COQ5: variants seen among roughly 807,000 people sequenced by gnomAD.
The protein encoded by COQ5 is coenzyme Q5, methyltransferase, also known as 2-methoxy-6-polyprenyl-1,4-benzoquinol methylase, mitochondrial.
COQ5 carries 27 observed loss-of-function variants against 40.5 expected under a neutral mutation model. The observed-to-expected ratio is 0.67, with a 90% CI of 0.49 to 0.92. COQ5 has a LOEUF of 0.92. COQ5 is among the 40% of genes least tolerant of loss of function. The probability of loss-of-function intolerance (pLI) is 0.00; values close to 1 mark genes in which losing one functional copy is unlikely to be tolerated. For synonymous variants in COQ5, 141 were observed against 150.0 expected (o/e 0.94, Z 0.44); for missense variants, 409 against 406.4 (o/e 1.01, Z -0.06).
At chr12:120,517,718 G>T (rs1160375297) in intron 2 of COQ5, among the ~76,000 whole-genome samples, 2 of 151,750 alleles carry the variant, frequency 1.3e-5, no homozygotes. Flanking sequence ...ATAATACTGT[G>T]ACCTGGTAAA....
chr12:120,520,129 T>C (rs573594708), intron 2 of COQ5, among the ~76,000 whole-genome samples: 2 of 151,256 alleles, frequency 1.3e-5, no homozygotes, highest in East Asian at 3.9e-4. Context: ...TAATGTAATT[T>C]TATGTATTTA....
chr12:120,509,456 A>T (rs1869029111), intron 4 of COQ5, among the ~76,000 whole-genome samples: 1 of 152,220 alleles, frequency 6.6e-6, no homozygotes, highest in South Asian at 2.1e-4. Context: ...TTGTCAAAAC[A>T]GTGTTTGAGG....
chr12:120,518,567 T>C (rs1477884361), intron 2 of COQ5, among the ~76,000 whole-genome samples: 1 of 145,072 alleles, frequency 6.9e-6, no homozygotes, highest in African/African-American at 2.5e-5. Flanking sequence ...ATTTTATATC[T>C]TTTTTTTTTT....
In COQ5 at chr12:120,516,913, C is replaced by A. The variant is rs1593020131; in HGVS notation, c.353-125G>T. On this transcript the variant is annotated intron_variant, in intron 2 of 6. Transcript: ENST00000288532. ...AGTACCTGTGTTAGCTAACTGGATG[C>A]AGTGTGGCTGAAAGCCAAGTCCTTT... 6.0e-6 allele frequency: 5 copies of A among 838,230 alleles called. No individual in the cohort carries two copies. The South Asian group carries it at 6.8e-5, about 11-fold the overall frequency. The allele number at this position is 838,230 out of a possible 1,614,324, so 51.9% of individuals were successfully genotyped here. A position where few individuals can be genotyped will look rare whatever the true frequency, so the allele number is the denominator to read the frequency against.
At chr12:120,520,849 G>T (rs1869613865) in intron 2 of COQ5, among the ~76,000 whole-genome samples, 1 of 151,776 alleles carries the variant, frequency 6.6e-6, no homozygotes, top group South Asian at 2.1e-4. Context: ...TGTACAAGAA[G>T]TAACAAAGGA....
chr12:120,516,486 G>A, intron 3 of COQ5, 81 bp downstream of exon 3: 2 of 1,200,540 alleles, frequency 1.7e-6, no homozygotes, highest in Non-Finnish European at 2.5e-6. Context: ...AAAAGATAAA[G>A]CATTTCAATA....
chr12:120,510,263 A>C (rs1048258702), intron 3 of COQ5, 140 bp from the exon 4 acceptor site: 2 of 708,514 alleles, frequency 2.8e-6, no homozygotes, highest in Non-Finnish European at 5.2e-6. Flanking sequence ...TCCCAGCTTC[A>C]CCATATTCCT....
intron 1 of COQ5, chr12:120,526,662 AG>A: frequency 3.8e-6 from 1 of 265,776 alleles, no homozygotes; most frequent in Non-Finnish European, 7.6e-6. Context: ...TCATACGACA[AG>A]AAGGTGGCAA....
chr12:120,511,299 T>C (rs1274239095), intron 3 of COQ5, among the ~76,000 whole-genome samples: 2 of 151,678 alleles, frequency 1.3e-5, no homozygotes, highest in African/African-American at 4.8e-5. Flanking sequence ...ACCCAGTGAT[T>C]TGATTTTTAG....
At chr12:120,528,611 G>C (rs1244393446) in intron 1 of COQ5, among the ~76,000 whole-genome samples, 1 of 152,096 alleles carries the variant, frequency 6.6e-6, no homozygotes, top group Non-Finnish European at 1.5e-5. Context: ...AGGAGTTCGA[G>C]ACCAGCCTGG....
At chr12:120,524,904 C>T (rs1022568904) in intron 1 of COQ5, among the ~76,000 whole-genome samples, 12 of 151,918 alleles carry the variant, frequency 7.9e-5, no homozygotes, top group South Asian at 2.1e-4. Context: ...CTGTAACCTC[C>T]GCCTCCCGGC....
In COQ5 at chr12:120,529,002, T is replaced by C. The variant is rs377206577; in HGVS notation, c.140A>G (p.Lys47Arg). The change falls in exon 1 of 7, where the codon AAG (lysine) becomes AGG (arginine). Residue 47 changes from lysine (K) to arginine (R), a missense_variant. Coordinates refer to ENST00000288532, the MANE Select transcript of COQ5 (RefSeq NM_032314.4). ...CCCAAAGTGCGTTTCCGCTGCCCGC[T>C]TCTCTTGGGACAAGAGCCGAGCACT... ...LLSARLLSQE[K>R]RAAETHFGFE... 79 of 1,614,014 alleles carry C rather than the reference T, an allele frequency of 4.9e-5. 1 individual carries two copies. The Admixed American group carries it at 1.3e-3, about 27-fold the overall frequency.
chr12:120,509,773 ATC>A (rs796329199), intron 4 of COQ5: 6,998 of 413,462 alleles, frequency 0.017, no homozygotes, highest in South Asian at 0.025. Context: ...AAATCTATCT[ATC>A]TCTCTCTCTC....
intron 1 of COQ5, among the ~76,000 whole-genome samples, chr12:120,528,021 A>AAAAAAAAAAAAAAAAAC (rs1870041690): frequency 8.3e-6 from 1 of 120,320 alleles, no homozygotes; most frequent in Non-Finnish European, 1.8e-5. Flanking sequence ...AAAAAAAAAA[A>AAAAAAAAAAAAAAAAAC]AGAAACCCCG....
intron 3 of COQ5, among the ~76,000 whole-genome samples, chr12:120,511,998 T>A (rs1386107536): frequency 6.6e-6 from 1 of 151,546 alleles, no homozygotes; most frequent in Non-Finnish European, 1.5e-5. Context: ...GATCATGAGG[T>A]CAGGAGTTCA....
At chr12:120,523,669 A>G (rs1296594413) in intron 1 of COQ5, among the ~76,000 whole-genome samples, 1 of 151,846 alleles carries the variant, frequency 6.6e-6, no homozygotes, top group African/African-American at 2.4e-5. Context: ...AGGGTGGGGG[A>G]AATTGGAATT....
At position 120,508,422 on chromosome 12, in the gene COQ5, T is replaced by C. The variant is rs368013934; in HGVS notation, c.681+1595A>G. 1.6e-4 allele frequency among the ~76,000 whole-genome samples: 24 copies of C among 152,164 alleles called. No individual in the cohort carries two copies. In the East Asian group the frequency reaches 4.4e-3, roughly 28 times the overall value. ...AAAAGGAAAAAGAAAGAAAATAGTATATACACCTTGGCACAAAACATCACA... is the reference window on the plus strand; with the variant it reads ...AAAAGGAAAAAGAAAGAAAATAGTACATACACCTTGGCACAAAACATCACA... On this transcript the variant is annotated intron_variant, in intron 4 of 6. Coordinates refer to ENST00000288532, the MANE Select transcript of COQ5 (RefSeq NM_032314.4).
At chr12:120,510,379 A>G (rs1869074872) in intron 3 of COQ5, among the ~76,000 whole-genome samples, 1 of 152,104 alleles carries the variant, frequency 6.6e-6, no homozygotes, top group South Asian at 2.1e-4. Flanking sequence ...AGTGGCACAC[A>G]GCTCACTGCA....
Position 120,507,874 on chromosome 12 carries a change from G to T in COQ5, c.681+2143C>A, listed in dbSNP as rs531710605. ...TGCACTCTAGCCTGGGTGACAGAGT[G>T]AGACTCTGTCTCAAAAAATAATAAT... On this transcript the variant is annotated intron_variant, in intron 4 of 6. Transcript: ENST00000288532. Among the ~76,000 whole-genome samples the T allele has an allele frequency of 2.3e-3, 345 of 149,792 alleles. 1 individual carries two copies. Among genetic ancestry groups the T allele is most frequent in the African/African-American group, 8.1e-3 (333 of 41,146 alleles).
Sources: gnomAD v4.1 joint callset for allele counts (sites outside exome capture counted in the v4.1 genomes callset) on GRCh38, gnomAD v4.1.1 for gene constraint, MANE v1.5 for transcripts, NCBI Gene and HGNC (gene_info 2026-07-23, HGNC 2026-07-21) for gene names.